The following NFASC variants were observed in gnomAD, a reference collection of about 807,000 sequenced individuals.
NFASC encodes neurofascin, also known as neurofascin homolog.
In NFASC, 43 loss-of-function variants were observed where a neutral mutation model predicts 147.5. That is an observed-to-expected ratio of 0.29 (90% confidence interval 0.23 to 0.38). The LOEUF (loss-of-function observed/expected upper bound fraction) is 0.38, where lower values mean the gene tolerates loss of function less well. NFASC is among the 10% of genes least tolerant of loss of function. The probability of loss-of-function intolerance (pLI) is 1.00; values close to 1 mark genes in which losing one functional copy is unlikely to be tolerated. For missense variants in NFASC, 1,320 were observed against 1,689.0 expected, an observed-to-expected ratio of 0.78 and a Z score of 3.83; for synonymous variants, 622 against 665.5, an observed-to-expected ratio of 0.93 and a Z score of 1.01.
rs1161781952 is a variant in NFASC at position 204,954,201 on chromosome 1, C to T, written c.229C>T (p.Arg77Ter). Residue 77 changes from arginine to a stop codon, truncating the protein, a stop_gained, in exon 6 of 30, where the codon CGA (arginine) becomes TGA (stop). Transcript: ENST00000339876. LOFTEE classifies it high-confidence loss of function. This position sits in a 1 kb window ranked among gnomAD's most constrained non-coding sequence, Gnocchi z 5.7. ...GNPAPSFHWT[R>*]NSRFFNIAKD... The stretch of plus-strand genomic sequence containing the variant: ...CACTCTCCACAGCTTCCACTGGACA[C>T]GAAACAGCAGATTCTTCAACATCGC... 1 of 1,614,156 alleles carries T rather than the reference C, an allele frequency of 6.2e-7. No homozygotes were observed. Among genetic ancestry groups the T allele is most frequent in the Non-Finnish European group, 8.5e-7 (1 of 1,180,024 alleles).
chr1:204,932,162 A>G lies in NFASC; in HGVS notation c.-91+11422A>G, dbSNP rs574653414. ...CAGGTTTACCCTATATTCAGAGAAA[A>G]CATAAAGGTCTTGCTTTTAGTGACG... is the stretch of plus-strand genomic sequence containing the variant. On this transcript the variant is annotated intron_variant, in intron 2 of 29. Transcript: ENST00000339876. Among the ~76,000 whole-genome samples the G allele has an allele frequency of 5.2e-4, 79 of 152,302 alleles. No individual in the cohort carries two copies. The South Asian group carries it at 0.012, about 24-fold the overall frequency.
At chr1:204,925,831 C>T (rs576357136) in intron 2 of NFASC, among the ~76,000 whole-genome samples, 1 of 152,254 alleles carries the variant, frequency 6.6e-6, no homozygotes, top group African/African-American at 2.4e-5. Context: ...ATGGTGGGTC[C>T]TCAGATGGAC....
chr1:204,898,970 C>G (rs2083955308), intron 1 of NFASC, among the ~76,000 whole-genome samples: 1 of 152,142 alleles, frequency 6.6e-6, no homozygotes, highest in African/African-American at 2.4e-5. Flanking sequence ...AGCTTCCAGT[C>G]TAATGGCAGA....
At chr1:204,970,850 A>T in intron 11 of NFASC, 103 bp downstream of exon 11, 1 of 1,452,258 alleles carries the variant, frequency 6.9e-7, no homozygotes, top group Non-Finnish European at 9.5e-7. Context: ...GAAGTTCAGG[A>T]AGAGAGAAGC....
chr1:204,876,938 C>G (rs2078909008), intron 1 of NFASC, among the ~76,000 whole-genome samples: 1 of 144,194 alleles, frequency 6.9e-6, no homozygotes, highest in South Asian at 2.2e-4. Context: ...CAAAAGCAGG[C>G]ACTTTGATGG....
chr1:204,912,106 A>T (rs2087684877), intron 1 of NFASC, among the ~76,000 whole-genome samples: 1 of 150,804 alleles, frequency 6.6e-6, no homozygotes. Flanking sequence ...CTTTTTCCCT[A>T]TTGTGTTTGT....
intron 1 of NFASC, among the ~76,000 whole-genome samples, chr1:204,902,750 A>G (rs2149215736): frequency 6.6e-6 from 1 of 152,224 alleles, no homozygotes; most frequent in East Asian, 1.9e-4. Context: ...AAAAAAGAAG[A>G]GGGAAGGAGA....
At chr1:204,967,571 C>T (rs1458674159) in intron 8 of NFASC, among the ~76,000 whole-genome samples, 1 of 152,118 alleles carries the variant, frequency 6.6e-6, no homozygotes, top group Non-Finnish European at 1.5e-5. Flanking sequence ...CTCCCACCCC[C>T]TCCCCGAGCA....
chr1:204,865,435 G>C (rs2077029256), intron 1 of NFASC, among the ~76,000 whole-genome samples: 1 of 152,160 alleles, frequency 6.6e-6, no homozygotes, highest in Non-Finnish European at 1.5e-5. Context: ...CAATAAGGCA[G>C]GGGGGACTAC....
At chr1:204,872,641 A>G (rs571430723) in intron 1 of NFASC, among the ~76,000 whole-genome samples, 43 of 152,152 alleles carry the variant, frequency 2.8e-4, no homozygotes, top group African/African-American at 9.4e-4. Flanking sequence ...TTGCTGTGGG[A>G]GGCTTCCTGG....
In NFASC at chr1:204,954,470, C is replaced by T. The variant is rs2094323239; in HGVS notation, c.412+86C>T. On this transcript the variant is annotated intron_variant, in intron 6 of 29. Transcript: ENST00000339876. This position sits in a 1 kb window ranked among gnomAD's most constrained non-coding sequence, Gnocchi z 5.7. ...GTGGAAGGCCATTCCAGAAGGGCTG[C>T]CCCTGCCCTTGGCCTGCAGTTGCCT... 1 of 1,304,400 alleles carries T rather than the reference C, an allele frequency of 7.7e-7. No homozygotes were observed. Among genetic ancestry groups the T allele is most frequent in the Non-Finnish European group, 1.1e-6 (1 of 940,248 alleles). 80.8% of individuals were successfully genotyped at this position (1,304,400 alleles called of 1,614,324 possible).
chr1:204,981,110 G>A (rs1558352634), intron 20 of NFASC, among the ~76,000 whole-genome samples: 1 of 152,246 alleles, frequency 6.6e-6, no homozygotes, highest in Non-Finnish European at 1.5e-5. Flanking sequence ...GAAACTGGGA[G>A]ATGCAGTGTT....
chr1:204,886,037 A>G (rs1348104740), intron 1 of NFASC, among the ~76,000 whole-genome samples: 1 of 152,212 alleles, frequency 6.6e-6, no homozygotes. Context: ...GAATATCCTC[A>G]GGGATGGGCA....
At chr1:204,964,561 G>A (rs1186232929) in intron 8 of NFASC, among the ~76,000 whole-genome samples, 2 of 152,164 alleles carry the variant, frequency 1.3e-5, no homozygotes, top group African/African-American at 2.4e-5. Flanking sequence ...ATGAGGTTTG[G>A]GTTAAACTTA....
At chr1:205,003,136 A>G (rs907841082) in intron 27 of NFASC, among the ~76,000 whole-genome samples, 2 of 152,270 alleles carry the variant, frequency 1.3e-5, no homozygotes, top group Non-Finnish European at 2.9e-5. Flanking sequence ...GGCTCCCTTC[A>G]TGCAGGATCA....
intron 1 of NFASC, among the ~76,000 whole-genome samples, chr1:204,903,243 T>C (rs1165052113): frequency 2.0e-5 from 3 of 152,226 alleles, no homozygotes; most frequent in Non-Finnish European, 4.4e-5. Flanking sequence ...TCTAATTGCC[T>C]TGTCTCTCAT....
intron 2 of NFASC, among the ~76,000 whole-genome samples, chr1:204,937,760 G>C (rs766306557): frequency 6.6e-6 from 1 of 152,284 alleles, no homozygotes. Context: ...AAACATCCAC[G>C]TGCAGGTCGG....
chr1:204,965,437 A>G (rs989328597), intron 8 of NFASC, among the ~76,000 whole-genome samples: 2 of 152,194 alleles, frequency 1.3e-5, no homozygotes, highest in African/African-American at 2.4e-5. Flanking sequence ...GCATTTCTTC[A>G]TAACCTTTCC....
Position 204,968,449 on chromosome 1 carries a change from G to A in NFASC, c.818+89G>A. 3 of 928,520 alleles carry A rather than the reference G, an allele frequency of 3.2e-6. No homozygotes were observed. The highest frequency in any genetic ancestry group is 5.2e-6 in the Non-Finnish European group (3 of 577,900). The allele number at this position is 928,520 out of a possible 1,614,324, so 57.5% of individuals were successfully genotyped here. On this transcript the variant is annotated intron_variant, in intron 9 of 29. Transcript: ENST00000339876. The surrounding 1 kb of genome is among the most constrained non-coding windows in gnomAD (Gnocchi z 5.4). ...CATGCTCTTGTTAATGCCACATTTA[G>A]TGCATACCAGTAGCACAGCAAAAAG... is the stretch of plus-strand genomic sequence containing the variant.
Sources: allele counts gnomAD v4.1 joint callset (sites outside exome capture counted in the v4.1 genomes callset), GRCh38; gene constraint gnomAD v4.1.1; non-coding constraint Gnocchi (gnomAD v3.1); transcripts MANE v1.5; gene names NCBI Gene and HGNC (gene_info 2026-07-23, HGNC 2026-07-21).